Variants in NOX4 observed in about 807,000 individuals in gnomAD.
NOX4 encodes kidney oxidase-1.
In NOX4, 69 loss-of-function variants were observed where a neutral mutation model predicts 87.6. That is an observed-to-expected ratio of 0.79 (90% CI 0.65 to 0.96). The LOEUF is 0.96. Among genes scored for constraint, NOX4 ranks in the 40% least tolerant of loss-of-function variants. The pLI, the probability that NOX4 is intolerant of heterozygous loss-of-function variation, is 0.00. For synonymous variants in NOX4, 275 were observed against 238.2 expected (o/e 1.15, Z -1.42); for missense variants, 680 against 681.5 (o/e 1.00, Z 0.02).
intron 8 of NOX4, among the ~76,000 whole-genome samples, chr11:89,421,297 A>G (rs1388198507): frequency 1.3e-5 from 2 of 152,228 alleles, no homozygotes; most frequent in East Asian, 1.9e-4. Context: ...ATCTTCATGT[A>G]TTGTTTTAAG....
chr11:89,529,081 A>T, the NOX4 span, among the ~76,000 whole-genome samples: 15 of 151,260 alleles, frequency 9.9e-5, no homozygotes, highest in Admixed American at 3.3e-4. Context: ...AGAAAGAATT[A>T]AAAAAAAAGA....
chr11:89,532,494 T>C, the NOX4 span, among the ~76,000 whole-genome samples: 8 of 152,300 alleles, frequency 5.3e-5, no homozygotes, highest in Admixed American at 2.6e-4. Context: ...ATTCAAGGCC[T>C]GTACCTCCAT....
At chr11:89,390,777 T>C (rs1306456039) in intron 11 of NOX4, among the ~76,000 whole-genome samples, 1 of 152,214 alleles carries the variant, frequency 6.6e-6, no homozygotes, top group African/African-American at 2.4e-5. Context: ...TATTTGTCTT[T>C]GGTGGTTCTT....
At chr11:89,364,330 C>T (rs1591029139) in intron 12 of NOX4, among the ~76,000 whole-genome samples, 2 of 151,594 alleles carry the variant, frequency 1.3e-5, no homozygotes, top group Admixed American at 6.6e-5. Context: ...ATATATTTGC[C>T]TATATATATT....
chr11:89,543,577 A>G, the NOX4 span, among the ~76,000 whole-genome samples: 1 of 152,156 alleles, frequency 6.6e-6, no homozygotes, highest in Non-Finnish European at 1.5e-5. Flanking sequence ...GAAAAGTGAT[A>G]GAATGATAAA....
At chr11:89,333,829 C>T (rs1945582199) in intron 17 of NOX4, among the ~76,000 whole-genome samples, 1 of 151,730 alleles carries the variant, frequency 6.6e-6, no homozygotes, top group African/African-American at 2.4e-5. Context: ...AAAATGTAAA[C>T]ACATTTCAGG....
chr11:89,491,601 T>C, upstream of NOX4: 1 of 280,740 alleles, frequency 3.6e-6, no homozygotes, highest in Non-Finnish European at 6.6e-6. Flanking sequence ...CTGTTCAGGA[T>C]GTCCCGGGTG....
chr11:89,572,603 GC>G, the NOX4 span, among the ~76,000 whole-genome samples: 1 of 152,144 alleles, frequency 6.6e-6, no homozygotes, highest in Non-Finnish European at 1.5e-5. Flanking sequence ...AGGCTGGAGT[GC>G]AGTGGCACAA....
intron 13 of NOX4, among the ~76,000 whole-genome samples, chr11:89,350,088 T>G (rs1393327830): frequency 6.6e-6 from 1 of 152,182 alleles, no homozygotes; most frequent in Non-Finnish European, 1.5e-5. Context: ...TTCTGACAAC[T>G]GTCACACCTA....
At chr11:89,429,183 C>T (rs527647271) in intron 7 of NOX4, among the ~76,000 whole-genome samples, 8 of 152,060 alleles carry the variant, frequency 5.3e-5, no homozygotes, top group Non-Finnish European at 1.0e-4. Context: ...CACAACATAC[C>T]AGAATCTCTG....
the NOX4 span, among the ~76,000 whole-genome samples, chr11:89,525,017 A>C: frequency 1.3e-5 from 2 of 152,078 alleles, no homozygotes; most frequent in East Asian, 3.9e-4. Flanking sequence ...TGTTATGCAG[A>C]TTAAAATTTC....
At chr11:89,500,099 C>T (rs1947001233), upstream of NOX4, among the ~76,000 whole-genome samples, 4 of 152,094 alleles carry the variant, frequency 2.6e-5, no homozygotes, top group Admixed American at 6.6e-5. Context: ...CATATCAGGA[C>T]TATTCAACAT....
At chr11:89,330,044 C>T (rs1278428453) in intron 17 of NOX4, among the ~76,000 whole-genome samples, 2 of 151,926 alleles carry the variant, frequency 1.3e-5, no homozygotes, top group Non-Finnish European at 2.9e-5. Flanking sequence ...ACAAAAAATA[C>T]TAATAATGAG....
chr11:89,366,697 A>G (rs1367638070), intron 12 of NOX4, among the ~76,000 whole-genome samples: 4 of 110,742 alleles, frequency 3.6e-5, no homozygotes, highest in Non-Finnish European at 6.8e-5. Flanking sequence ...TAAAAACTGA[A>G]AAGAAAAAAA....
chr11:89,572,573 G>A, the NOX4 span, among the ~76,000 whole-genome samples: 3 of 151,828 alleles, frequency 2.0e-5, no homozygotes, highest in Admixed American at 6.6e-5. Context: ...TTTTTGAGAC[G>A]GAGTCTCACT....
intron 12 of NOX4, among the ~76,000 whole-genome samples, chr11:89,359,080 C>A (rs1938310545): frequency 6.6e-6 from 1 of 152,038 alleles, no homozygotes; most frequent in Middle Eastern, 3.2e-3. Context: ...TTTCTTTCTC[C>A]CATTCAATCA....
At chr11:89,339,629 A>G (rs1457932149) in intron 15 of NOX4, among the ~76,000 whole-genome samples, 2 of 152,198 alleles carry the variant, frequency 1.3e-5, no homozygotes, top group African/African-American at 4.8e-5. Context: ...ATAGTATACC[A>G]AAAAGTCTGG....
At chr11:89,392,086 C>T (rs1842259766) in intron 11 of NOX4, among the ~76,000 whole-genome samples, 1 of 152,012 alleles carries the variant, frequency 6.6e-6, no homozygotes, top group South Asian at 2.1e-4. Context: ...ACCTGCTTTA[C>T]TACAATTATC....
chr11:89,388,306 G>A (rs983817200), intron 11 of NOX4, among the ~76,000 whole-genome samples: 5 of 152,020 alleles, frequency 3.3e-5, no homozygotes, highest in Non-Finnish European at 7.4e-5. Context: ...TTCTGAAAAG[G>A]TTGCCTGGGA....
Sources: gnomAD v4.1 joint callset for allele counts (sites outside exome capture counted in the v4.1 genomes callset) on GRCh38, gnomAD v4.1.1 for gene constraint, MANE v1.5 for transcripts, NCBI Gene and HGNC (gene_info 2026-07-23, HGNC 2026-07-21) for gene names.